Variants in CCDC85A observed in about 807,000 individuals in gnomAD.
The protein encoded by CCDC85A is coiled-coil domain containing 85A, also known as coiled-coil domain-containing protein 85A.
Under a neutral mutation model 50.2 loss-of-function variants are expected in CCDC85A, and 38 were observed. The ratio of observed to expected loss-of-function variants is 0.76; its 90% CI spans 0.58 to 0.99. CCDC85A has a LOEUF of 0.99. Among genes scored for constraint, CCDC85A ranks in the 50% least tolerant of loss-of-function variants. CCDC85A has a pLI of 0.00. For synonymous variants in CCDC85A, 366 were observed against 301.4 expected (o/e 1.21, Z -2.22); for missense variants, 820 against 742.0 (o/e 1.11, Z -1.22).
intron 2 of CCDC85A, among the ~76,000 whole-genome samples, chr2:56,312,012 T>G (rs1672715991): frequency 6.6e-6 from 1 of 152,134 alleles, no homozygotes; most frequent in South Asian, 2.1e-4. Context: ...CTACAGTAGA[T>G]AAGGACGGTC....
chr2:56,260,720 G>C (rs1475433474), intron 2 of CCDC85A, among the ~76,000 whole-genome samples: 1 of 152,180 alleles, frequency 6.6e-6, no homozygotes. Context: ...ATGTATATGT[G>C]TATGGTACAT....
At chr2:56,269,587 C>G (rs928989867) in intron 2 of CCDC85A, among the ~76,000 whole-genome samples, 1 of 152,090 alleles carries the variant, frequency 6.6e-6, no homozygotes, top group African/African-American at 2.4e-5. Context: ...TCATCAAATT[C>G]TCCAGAGAAA....
chr2:56,190,573 T>A (rs1395239814), intron 1 of CCDC85A, among the ~76,000 whole-genome samples: 1 of 152,196 alleles, frequency 6.6e-6, no homozygotes, highest in Non-Finnish European at 1.5e-5. Flanking sequence ...TTCTATAGAA[T>A]GGTGTCTATG....
chr2:56,207,297 T>C (rs534043408), intron 2 of CCDC85A, among the ~76,000 whole-genome samples: 153 of 152,046 alleles, frequency 1.0e-3, no homozygotes, highest in Non-Finnish European at 1.6e-3. Flanking sequence ...TAGGGAAGAG[T>C]AGGCAGGCTC....
intron 2 of CCDC85A, among the ~76,000 whole-genome samples, chr2:56,283,116 A>C (rs1671279883): frequency 1.3e-5 from 2 of 152,168 alleles, no homozygotes; most frequent in South Asian, 4.1e-4. Flanking sequence ...TTTACTTCTT[A>C]CTTTCCAATA....
At position 56,385,712 on chromosome 2, in the gene CCDC85A, T is replaced by A. The variant is rs953918085; in HGVS notation, c.*1357T>A. 2.6e-5 allele frequency: 4 copies of A among 151,882 alleles called. No homozygotes were observed. Among genetic ancestry groups the A allele is most frequent in the Admixed American group, 2.0e-4 (3 of 15,186 alleles). 9.4% of individuals were successfully genotyped at this position (151,882 alleles called of 1,614,324 possible). A position where few individuals can be genotyped will look rare whatever the true frequency, so the allele number is the denominator to read the frequency against. On this transcript the variant is annotated 3_prime_UTR_variant, in exon 6 of 6. Coordinates refer to ENST00000407595, the MANE Select transcript of CCDC85A (RefSeq NM_001080433.2). ...GGCTCATTACATAACGAGTTAATTG[T>A]CACTAGTAGGAGACTGTGAAGGAAT...
At chr2:56,332,583 C>T (rs928144899) in intron 2 of CCDC85A, among the ~76,000 whole-genome samples, 8 of 152,066 alleles carry the variant, frequency 5.3e-5, no homozygotes, top group African/African-American at 1.9e-4. Context: ...AACACTCAGG[C>T]CATAGCACTC....
intron 2 of CCDC85A, among the ~76,000 whole-genome samples, chr2:56,314,554 C>G (rs1055299587): frequency 3.9e-5 from 6 of 152,042 alleles, no homozygotes; most frequent in Non-Finnish European, 8.8e-5. Flanking sequence ...TCATTATTAT[C>G]TTAAAATAGC....
At chr2:56,379,646 G>A (rs1326075605) in intron 5 of CCDC85A, 1 of 177,684 alleles carries the variant, frequency 5.6e-6, no homozygotes, top group Non-Finnish European at 1.1e-5. Flanking sequence ...ATGCAGACAT[G>A]GAGAAAACTA....
chr2:56,363,902 TA>T (rs1187400113), intron 3 of CCDC85A, among the ~76,000 whole-genome samples: 1 of 152,166 alleles, frequency 6.6e-6, no homozygotes, highest in Non-Finnish European at 1.5e-5. Context: ...TTCTCCCTTT[TA>T]AAAAATAAGC....
At chr2:56,218,320 T>C (rs1668174735) in intron 2 of CCDC85A, among the ~76,000 whole-genome samples, 2 of 151,892 alleles carry the variant, frequency 1.3e-5, no homozygotes, top group Non-Finnish European at 2.9e-5. Context: ...TTCTCTAATT[T>C]TTTTAAATAA....
rs1572990251 is a variant in CCDC85A, at chr2:56,184,762, G to A, written c.138G>A (p.Gln46=). The change falls in exon 1 of 6, where the codon CAG becomes CAA. Residue 46 remains glutamine, a synonymous_variant. Coordinates refer to ENST00000407595, the MANE Select transcript of CCDC85A (RefSeq NM_001080433.2). ...LSKVSDEELL[Q]WSKEELIRSL... is the part of the protein sequence containing the mutation. The stretch of plus-strand genomic sequence containing the variant: ...AAGTGTCGGACGAGGAGCTGCTGCA[G>A]TGGAGCAAGGAGGAGCTGATCCGCA... 22 of 1,545,684 alleles carry A rather than the reference G, an allele frequency of 1.4e-5. No individual in the cohort carries two copies. Among genetic ancestry groups the A allele is most frequent in the Non-Finnish European group, 1.9e-5 (22 of 1,145,802 alleles).
chr2:56,336,680 A>G (rs9808063), intron 2 of CCDC85A, among the ~76,000 whole-genome samples: 28,557 of 151,984 alleles, frequency 0.19, 3,633 homozygotes, highest in African/African-American at 0.36. Context: ...CTGTAGGGTA[A>G]CACTGCCTTA....
At chr2:56,268,223 G>A (rs906366947) in intron 2 of CCDC85A, among the ~76,000 whole-genome samples, 15 of 152,114 alleles carry the variant, frequency 9.9e-5, no homozygotes, top group African/African-American at 2.7e-4. Flanking sequence ...GAACATTGAA[G>A]ACAAGAATCT....
chr2:56,383,277 A>G (rs13398499), intron 5 of CCDC85A, among the ~76,000 whole-genome samples: 6,015 of 152,082 alleles, frequency 0.04, 373 homozygotes, highest in African/African-American at 0.14. Context: ...TGAATAATTA[A>G]TGAACAAACT....
chr2:56,269,101 C>T (rs1040066856), intron 2 of CCDC85A, among the ~76,000 whole-genome samples: 4 of 152,102 alleles, frequency 2.6e-5, no homozygotes, highest in Admixed American at 6.6e-5. Flanking sequence ...TGCTGAATAA[C>T]GTAGGCCACA....
chr2:56,321,866 G>C (rs1673212068), intron 2 of CCDC85A, among the ~76,000 whole-genome samples: 1 of 152,168 alleles, frequency 6.6e-6, no homozygotes, highest in Non-Finnish European at 1.5e-5. Flanking sequence ...CAAAGCTGGA[G>C]GCATCAAGCT....
Position 56,330,353 on chromosome 2 carries a change from A to G in CCDC85A, c.1241-12526A>G, listed in dbSNP as rs558242205. Among the ~76,000 whole-genome samples the G allele has an allele frequency of 1.6e-3, 244 of 152,298 alleles. 2 individuals are homozygous for G. The highest frequency in any genetic ancestry group is 5.7e-3 in the African/African-American group (238 of 41,562). ...AAAAGTGAAGGCAATTTTAGGGCATAAAGAAGTTCCTCTGAGCCAGACTTC... is the reference window on the plus strand; with the variant it reads ...AAAAGTGAAGGCAATTTTAGGGCATGAAGAAGTTCCTCTGAGCCAGACTTC... On this transcript the variant is annotated intron_variant, in intron 2 of 5. Coordinates refer to ENST00000407595, the MANE Select transcript of CCDC85A (RefSeq NM_001080433.2).
chr2:56,224,407 A>G (rs1417291333), intron 2 of CCDC85A, among the ~76,000 whole-genome samples: 1 of 152,196 alleles, frequency 6.6e-6, no homozygotes, highest in Non-Finnish European at 1.5e-5. Context: ...TGTTATGAAT[A>G]TTGCTATTAC....
Sources: gnomAD v4.1 joint callset for allele counts (sites outside exome capture counted in the v4.1 genomes callset) on GRCh38, gnomAD v4.1.1 for gene constraint, MANE v1.5 for transcripts, NCBI Gene and HGNC (gene_info 2026-07-23, HGNC 2026-07-21) for gene names.